Variants in GNG2 observed in about 807,000 individuals in gnomAD.
The protein encoded by GNG2 is guanine nucleotide-binding protein G(I)/G(S)/G(O) subunit gamma-2.
A neutral mutation model predicts 5.5 loss-of-function variants in GNG2; 5 were observed. The ratio of observed to expected loss-of-function variants is 0.91; its 90% CI spans 0.48 to 1.92. GNG2 has a LOEUF of 1.92. Ranked by LOEUF, GNG2 falls within the 30% of genes most tolerant of loss-of-function variation. The pLI is 0.01. For missense variants in GNG2, 55 were observed against 88.4 expected, an observed-to-expected ratio of 0.62 and a Z score of 1.52; for synonymous variants, 28 against 32.0, an observed-to-expected ratio of 0.88 and a Z score of 0.42.
chr14:51,933,544 T>C (rs1887783486), intron 2 of GNG2, among the ~76,000 whole-genome samples: 7 of 152,202 alleles, frequency 4.6e-5, no homozygotes, highest in Admixed American at 4.6e-4. Context: ...TTTTAGTTGT[T>C]TATATGCCAA....
At chr14:51,942,592 T>TC (rs574783206) in intron 2 of GNG2, among the ~76,000 whole-genome samples, 5,788 of 129,066 alleles carry the variant, frequency 0.045, 42 homozygotes, top group Non-Finnish European at 0.055. Context: ...TTTCTTTCTT[T>TC]TTTTTTTTTT....
chr14:51,955,514 A>C (rs1255601633), intron 3 of GNG2, among the ~76,000 whole-genome samples: 3 of 152,212 alleles, frequency 2.0e-5, no homozygotes, highest in African/African-American at 7.2e-5. Flanking sequence ...GTACTGGGGT[A>C]CACAAGCATT....
chr14:51,948,030 T>A (rs1247799603), intron 2 of GNG2, among the ~76,000 whole-genome samples: 1 of 152,100 alleles, frequency 6.6e-6, no homozygotes, highest in Non-Finnish European at 1.5e-5. Context: ...ATGCTAGAGG[T>A]TCAAGAGGGA....
chr14:51,956,438 T>C (rs1410343674), intron 3 of GNG2, among the ~76,000 whole-genome samples: 1 of 152,120 alleles, frequency 6.6e-6, no homozygotes, highest in Non-Finnish European at 1.5e-5. Context: ...CAGAATTGAA[T>C]TAAATTGTAG....
At chr14:51,899,170 C>G (rs1474499837) in intron 2 of GNG2, among the ~76,000 whole-genome samples, 1 of 152,140 alleles carries the variant, frequency 6.6e-6, no homozygotes, top group Non-Finnish European at 1.5e-5. Context: ...ACAGTTTGCT[C>G]TAAGGCTTGT....
At chr14:51,926,433 A>G (rs979784642) in intron 2 of GNG2, among the ~76,000 whole-genome samples, 2 of 152,216 alleles carry the variant, frequency 1.3e-5, no homozygotes, top group Non-Finnish European at 2.9e-5. Flanking sequence ...CTGACTGTAG[A>G]ATGAGTTTTG....
chr14:51,926,661 G>A (rs943888639), intron 2 of GNG2, among the ~76,000 whole-genome samples: 4 of 152,290 alleles, frequency 2.6e-5, no homozygotes, highest in Admixed American at 6.5e-5. Context: ...TTTTGCAGAG[G>A]GGAGGAGCCT....
At position 51,968,938 on chromosome 14, in the gene GNG2, A is replaced by G. The variant is rs1195570906; in HGVS notation, c.*2251A>G. 1 of 152,202 alleles carries G rather than the reference A, an allele frequency of 6.6e-6. No homozygotes were observed. Among genetic ancestry groups the G allele is most frequent in the Non-Finnish European group, 1.5e-5 (1 of 68,040 alleles). 9.4% of individuals were successfully genotyped at this position (152,202 alleles called of 1,614,324 possible). A position where few individuals can be genotyped will look rare whatever the true frequency, so the allele number is the denominator to read the frequency against. Reference sequence around the variant, plus strand: ...TAAGATGGAATTACAATTTCTAGGGAGCATTTTAAGGAAAATGTTTTGGCT... The same window carrying G: ...TAAGATGGAATTACAATTTCTAGGGGGCATTTTAAGGAAAATGTTTTGGCT... On this transcript the variant is annotated 3_prime_UTR_variant, in exon 4 of 4. Transcript: ENST00000556766.
chr14:51,962,194 C>T (rs970171453), intron 3 of GNG2, among the ~76,000 whole-genome samples: 1 of 103,192 alleles, frequency 9.7e-6, no homozygotes, highest in Non-Finnish European at 2.1e-5. Flanking sequence ...TTTTGTAAAA[C>T]ATTTTAAATA....
chr14:51,951,310 G>GTTT, intron 3 of GNG2, among the ~76,000 whole-genome samples: 1 of 152,264 alleles, frequency 6.6e-6, no homozygotes, highest in Middle Eastern at 3.4e-3. Flanking sequence ...TAGTCTATGT[G>GTTT]TTTCTTTTTT....
intron 2 of GNG2, among the ~76,000 whole-genome samples, chr14:51,828,924 G>T (rs1416030054): frequency 6.6e-6 from 1 of 152,112 alleles, no homozygotes; most frequent in East Asian, 1.9e-4. Context: ...CAGGCCCTCT[G>T]TCTCAAGATA....
chr14:51,882,285 A>G (rs1478761531), intron 2 of GNG2, among the ~76,000 whole-genome samples: 2 of 152,250 alleles, frequency 1.3e-5, no homozygotes, highest in African/African-American at 4.8e-5. Flanking sequence ...TTTTACCTCA[A>G]TTTAAAACAA....
At chr14:51,942,806 A>T (rs939896145) in intron 2 of GNG2, among the ~76,000 whole-genome samples, 1 of 151,552 alleles carries the variant, frequency 6.6e-6, no homozygotes, top group Non-Finnish European at 1.5e-5. Context: ...TCCCATTCAA[A>T]TTTAAAGAAG....
At chr14:51,908,531 T>G (rs58717706) in intron 2 of GNG2, among the ~76,000 whole-genome samples, 1,193 of 36,744 alleles carry the variant, frequency 0.032, 21 homozygotes, top group African/African-American at 0.11. Context: ...TTTAAAGATC[T>G]ATCTATCTAT....
intron 2 of GNG2, among the ~76,000 whole-genome samples, chr14:51,849,977 T>TA (rs1881832339): frequency 6.6e-6 from 1 of 152,114 alleles, no homozygotes; most frequent in Non-Finnish European, 1.5e-5. Context: ...GCCTGCCTAA[T>TA]AAAAAATAAA....
intron 3 of GNG2, 83 bp from the exon 4 acceptor site, chr14:51,966,476 G>A (rs1445440000): frequency 2.5e-6 from 3 of 1,193,962 alleles, no homozygotes; most frequent in East Asian, 2.4e-5. Context: ...AGGATTTGAT[G>A]CCAGGACATT....
At chr14:51,853,872 G>A (rs888345975) in intron 2 of GNG2, among the ~76,000 whole-genome samples, 1 of 151,084 alleles carries the variant, frequency 6.6e-6, no homozygotes, top group Admixed American at 6.6e-5. Context: ...CCCGTTTCCT[G>A]TTGTCCCTGA....
At chr14:51,901,727 G>A (rs1450628499) in intron 2 of GNG2, among the ~76,000 whole-genome samples, 1 of 149,058 alleles carries the variant, frequency 6.7e-6, no homozygotes, top group Non-Finnish European at 1.5e-5. Flanking sequence ...CAGTGTTTTG[G>A]AAGTGGGGGT....
intron 3 of GNG2, among the ~76,000 whole-genome samples, chr14:51,958,439 T>TCC (rs11301974): frequency 0.082 from 10,806 of 131,618 alleles, 635 homozygotes; most frequent in Non-Finnish European, 0.12. Flanking sequence ...TCTCTTCCGT[T>TCC]CCCCCCCCCC....
Sources: gnomAD v4.1 joint callset for allele counts (sites outside exome capture counted in the v4.1 genomes callset) on GRCh38, gnomAD v4.1.1 for gene constraint, MANE v1.5 for transcripts, NCBI Gene and HGNC (gene_info 2026-07-23, HGNC 2026-07-21) for gene names.